Variants in ZNF469 observed in about 807,000 individuals in gnomAD.
ZNF469 encodes the protein zinc finger protein 469.
In ZNF469, 1 loss-of-function variant was observed where a neutral mutation model predicts 1.0. The observed-to-expected ratio is 1.00, with a 90% CI of 0.35 to 4.73. ZNF469 has a LOEUF of 4.73. Ranked by LOEUF, ZNF469 falls within the 30% of genes most tolerant of loss-of-function variation. The pLI is 0.16. For missense variants in ZNF469, 6,100 were observed against 5,356.3 expected (o/e 1.14, Z -4.33); for synonymous variants, 2,703 against 2,363.4 (o/e 1.14, Z -4.17).
chr16:88,102,495 T>G, the ZNF469 span, among the ~76,000 whole-genome samples: 1,950 of 152,320 alleles, frequency 0.013, 27 homozygotes, highest in Non-Finnish European at 0.019. Context: ...AGAGTGAGAC[T>G]TCGTCTCAAA....
chr16:88,166,800 C>CACACAA, the ZNF469 span, among the ~76,000 whole-genome samples: 3 of 151,690 alleles, frequency 2.0e-5, no homozygotes, highest in Middle Eastern at 3.4e-3. This position sits in a 1 kb window ranked among gnomAD's most constrained non-coding sequence, Gnocchi z 4.5. Context: ...CACACACACA[C>CACACAA]AAATACATAT....
chr16:88,106,809 G>T, the ZNF469 span, among the ~76,000 whole-genome samples: 2 of 152,264 alleles, frequency 1.3e-5, no homozygotes, highest in East Asian at 3.8e-4. Context: ...TGCCATTGCC[G>T]CACAGGCCAG....
chr16:88,363,496 A>AC, the ZNF469 span, among the ~76,000 whole-genome samples: 1 of 152,206 alleles, frequency 6.6e-6, no homozygotes, highest in Non-Finnish European at 1.5e-5. Context: ...CCTGGGGTCT[A>AC]CCCCATGCAT....
rs1162533968 is a variant in ZNF469, at chr16:88,433,831, G to A, written c.6361G>A (p.Ala2121Thr). Residue 2121 changes from alanine to threonine, a missense_variant, in exon 3 of 3, where the codon GCC (alanine) becomes ACC (threonine). Coordinates refer to ENST00000565624, the MANE Select transcript of ZNF469 (RefSeq NM_001367624.2). ...CTGCGCCCCCTCACCCACTTCAGCC[G>A]CCCACATGCCCTGCAGCCTTGGGCC... ...AACAPSPTSAAHMPCSLGPLP... is the reference protein window; with the variant it reads ...AACAPSPTSATHMPCSLGPLP... 30 of 1,549,678 alleles carry A rather than the reference G, an allele frequency of 1.9e-5. No individual in the cohort carries two copies. Among genetic ancestry groups the A allele is most frequent in the African/African-American group, 5.5e-5 (4 of 73,044 alleles).
At chr16:88,223,950 A>T in the ZNF469 span, among the ~76,000 whole-genome samples, 1 of 152,230 alleles carries the variant, frequency 6.6e-6, no homozygotes, top group African/African-American at 2.4e-5. Context: ...CGAATGAACG[A>T]GCGGAGGAAT....
the ZNF469 span, among the ~76,000 whole-genome samples, chr16:88,333,518 G>A: frequency 6.7e-6 from 1 of 149,374 alleles, no homozygotes; most frequent in Non-Finnish European, 1.5e-5. Flanking sequence ...CTGAGTCACG[G>A]AAGAGGGGCC....
At chr16:88,138,127 A>G in the ZNF469 span, among the ~76,000 whole-genome samples, 1 of 152,206 alleles carries the variant, frequency 6.6e-6, no homozygotes, top group Non-Finnish European at 1.5e-5. Context: ...GTGTGTTGAA[A>G]CTATCACATT....
At chr16:88,239,710 TATATA>T in the ZNF469 span, among the ~76,000 whole-genome samples, 13 of 5,256 alleles carry the variant, frequency 2.5e-3, no homozygotes, top group Non-Finnish European at 3.7e-3. Context: ...TATATATATA[TATATA>T]TTTTTTTTTT....
rs762564817 is a variant in ZNF469, at chr16:88,427,761, G to C, written c.291G>C (p.Pro97=). 1 of 1,544,980 alleles carries C rather than the reference G, an allele frequency of 6.5e-7. No homozygotes were observed. Among genetic ancestry groups the C allele is most frequent in the South Asian group, 1.2e-5 (1 of 84,000 alleles). The part of the protein sequence containing the change: ...PGKRGSPQTP[P]GRSPLQAPSR... ...AGAGGGGCAGCCCCCAGACCCCACCGGGGAGAAGCCCCTTGCAGGCTCCCT... is the reference window on the plus strand; with the variant it reads ...AGAGGGGCAGCCCCCAGACCCCACCCGGGAGAAGCCCCTTGCAGGCTCCCT... The change falls in exon 3 of 3, where the codon CCG becomes CCC. Residue 97 remains proline (P), a synonymous_variant. Coordinates refer to ENST00000565624, the MANE Select transcript of ZNF469 (RefSeq NM_001367624.2).
chr16:88,344,881 C>T, the ZNF469 span, among the ~76,000 whole-genome samples: 2 of 152,218 alleles, frequency 1.3e-5, no homozygotes, highest in African/African-American at 2.4e-5. Context: ...CCCGTCAGGT[C>T]GCCCTGCCTC....
the ZNF469 span, among the ~76,000 whole-genome samples, chr16:88,297,616 C>T: frequency 6.6e-6 from 1 of 152,138 alleles, no homozygotes; most frequent in Non-Finnish European, 1.5e-5. Context: ...AGTGTGGCAG[C>T]TCACTCCAGT....
the ZNF469 span, among the ~76,000 whole-genome samples, chr16:88,351,111 G>C: frequency 6.6e-6 from 1 of 152,186 alleles, no homozygotes; most frequent in African/African-American, 2.4e-5. Flanking sequence ...TCAGCATGTC[G>C]GGGTCAGTCA....
the ZNF469 span, among the ~76,000 whole-genome samples, chr16:88,369,502 G>A: frequency 6.6e-6 from 1 of 152,178 alleles, no homozygotes; most frequent in African/African-American, 2.4e-5. Flanking sequence ...AATTGAAGTC[G>A]GACACAGCAG....
the ZNF469 span, among the ~76,000 whole-genome samples, chr16:88,274,014 A>G: frequency 6.6e-6 from 1 of 152,134 alleles, no homozygotes; most frequent in African/African-American, 2.4e-5. Flanking sequence ...CATATCGGCC[A>G]TGATGGTCTC....
At chr16:88,268,575 G>C in the ZNF469 span, among the ~76,000 whole-genome samples, 1 of 152,176 alleles carries the variant, frequency 6.6e-6, no homozygotes, top group Non-Finnish European at 1.5e-5. Context: ...TGAGATCCTG[G>C]GTTTTCAGGA....
At chr16:88,284,428 C>G in the ZNF469 span, among the ~76,000 whole-genome samples, 1 of 152,030 alleles carries the variant, frequency 6.6e-6, no homozygotes, top group Non-Finnish European at 1.5e-5. Flanking sequence ...CCAGCCTGAG[C>G]AACATAGCAA....
chr16:88,343,350 A>G, the ZNF469 span, among the ~76,000 whole-genome samples: 3 of 152,236 alleles, frequency 2.0e-5, no homozygotes, highest in South Asian at 4.1e-4. Context: ...GATGAAATAA[A>G]TAAATGGGGA....
At chr16:88,351,353 G>C in the ZNF469 span, among the ~76,000 whole-genome samples, 2 of 152,106 alleles carry the variant, frequency 1.3e-5, no homozygotes, top group African/African-American at 4.8e-5. Context: ...TGCCCCACAG[G>C]CCTCTGTGCA....
intron 1 of ZNF469, among the ~76,000 whole-genome samples, chr16:88,390,917 C>A (rs944373374): frequency 1.3e-5 from 2 of 152,236 alleles, no homozygotes; most frequent in African/African-American, 4.8e-5. Flanking sequence ...CTTGGCAGAA[C>A]TGAAACCTCT....
Sources: gnomAD v4.1 joint callset for allele counts (sites outside exome capture counted in the v4.1 genomes callset) on GRCh38, gnomAD v4.1.1 for gene constraint, Gnocchi (gnomAD v3.1) non-coding constraint, MANE v1.5 for transcripts, NCBI Gene and HGNC (gene_info 2026-07-23, HGNC 2026-07-21) for gene names.